Variants in STK40 observed in about 807,000 individuals in gnomAD.
STK40 encodes the protein serine/threonine kinase 40.
STK40 carries 13 observed loss-of-function variants against 47.9 expected under a neutral mutation model. The ratio of observed to expected loss-of-function variants is 0.27; its 90% CI spans 0.18 to 0.43. The LOEUF is 0.43. Among genes scored for constraint, STK40 ranks in the 20% least tolerant of loss-of-function variants. The pLI is 1.00. For missense variants in STK40, 460 were observed against 595.1 expected, an observed-to-expected ratio of 0.77 and a Z score of 2.36; for synonymous variants, 225 against 243.2, an observed-to-expected ratio of 0.93 and a Z score of 0.69.
chr1:36,381,520 G>A (rs1647039236), intron 1 of STK40, among the ~76,000 whole-genome samples: 2 of 152,042 alleles, frequency 1.3e-5, no homozygotes, highest in Admixed American at 1.3e-4. Flanking sequence ...TCACTCTGTT[G>A]TCCAGGCTCG....
intron 1 of STK40, among the ~76,000 whole-genome samples, chr1:36,373,863 T>G (rs1403968633): frequency 6.6e-6 from 1 of 152,254 alleles, no homozygotes; most frequent in East Asian, 1.9e-4. Flanking sequence ...ACTGGCTGCT[T>G]CTAACCAGAG....
At chr1:36,355,708 G>T (rs1277079879) in intron 4 of STK40, among the ~76,000 whole-genome samples, 1 of 152,236 alleles carries the variant, frequency 6.6e-6, no homozygotes, top group Non-Finnish European at 1.5e-5. Flanking sequence ...ATAATGCAAA[G>T]GATTCAGATC....
intron 7 of STK40, 55 bp downstream of exon 7, chr1:36,348,645 C>T (rs1286451027): frequency 1.3e-6 from 2 of 1,527,988 alleles, no homozygotes; most frequent in Non-Finnish European, 1.8e-6. Flanking sequence ...AGTGGACTGT[C>T]ACAGAGCCTG....
chr1:36,351,500 C>G (rs1359923661), intron 6 of STK40, among the ~76,000 whole-genome samples: 1 of 152,126 alleles, frequency 6.6e-6, no homozygotes, highest in Non-Finnish European at 1.5e-5. Context: ...TCTCTCTGCA[C>G]CACACTACCC....
intron 5 of STK40, 39 bp downstream of exon 5, chr1:36,355,163 GCTTT>G: frequency 2.9e-5 from 46 of 1,592,570 alleles, no homozygotes; most frequent in Non-Finnish European, 4.0e-5. Context: ...AAGAAAGGTG[GCTTT>G]CTGTGGCCAG....
At chr1:36,373,295 G>T (rs981971253) in intron 1 of STK40, among the ~76,000 whole-genome samples, 1 of 152,180 alleles carries the variant, frequency 6.6e-6, no homozygotes, top group Non-Finnish European at 1.5e-5. Flanking sequence ...AGTCTCTGCA[G>T]GTATGTCTTT....
At chr1:36,344,657 C>T (rs1260848133) in intron 7 of STK40, among the ~76,000 whole-genome samples, 2 of 152,230 alleles carry the variant, frequency 1.3e-5, no homozygotes, top group East Asian at 1.9e-4. Context: ...CACCTGCCTC[C>T]TTCACAGCCC....
chr1:36,372,678 G>A (rs1646960018), intron 1 of STK40: 1 of 152,214 alleles, frequency 6.6e-6, no homozygotes, highest in African/African-American at 2.4e-5. Flanking sequence ...TGGAACCAGG[G>A]TGCTGTCAAG....
At chr1:36,379,383 G>A (rs1300289409) in intron 1 of STK40, among the ~76,000 whole-genome samples, 2 of 149,090 alleles carry the variant, frequency 1.3e-5, no homozygotes, top group South Asian at 2.1e-4. Flanking sequence ...AATGAACACC[G>A]TTGGGTTGTA....
intron 1 of STK40, among the ~76,000 whole-genome samples, chr1:36,368,992 T>A (rs1000289634): frequency 6.6e-6 from 1 of 152,120 alleles, no homozygotes; most frequent in Admixed American, 6.6e-5. Context: ...CTCGAATAGC[T>A]CCCAAGACCT....
intron 6 of STK40, among the ~76,000 whole-genome samples, chr1:36,353,656 G>A (rs903309136): frequency 3.9e-5 from 6 of 152,164 alleles, no homozygotes. Flanking sequence ...CCTCCCTAAG[G>A]ACAGCAGACA....
At chr1:36,362,787 ATAAAG>A (rs1646864084) in intron 1 of STK40, 1 of 152,222 alleles carries the variant, frequency 6.6e-6, no homozygotes, top group African/African-American at 2.4e-5. Flanking sequence ...GTATGCTTAT[ATAAAG>A]TTTTATTATT....
At chr1:36,360,253 T>C (rs1173589289) in intron 2 of STK40, among the ~76,000 whole-genome samples, 1 of 152,206 alleles carries the variant, frequency 6.6e-6, no homozygotes. Context: ...CCTGAGCCTG[T>C]AAGTCCAAAA....
At chr1:36,371,274 G>T (rs1303876778) in intron 1 of STK40, among the ~76,000 whole-genome samples, 4 of 151,294 alleles carry the variant, frequency 2.6e-5, no homozygotes, top group African/African-American at 7.3e-5. Flanking sequence ...GACAAGAAGG[G>T]CCGGGCGTGG....
intron 6 of STK40, among the ~76,000 whole-genome samples, chr1:36,350,038 T>A (rs567102037): frequency 1.3e-5 from 2 of 152,234 alleles, no homozygotes; most frequent in Admixed American, 6.5e-5. Context: ...CAGGCGGCTC[T>A]GAGAGCCCTC....
At chr1:36,370,516 T>C (rs1646936076) in intron 1 of STK40, among the ~76,000 whole-genome samples, 1 of 152,194 alleles carries the variant, frequency 6.6e-6, no homozygotes, top group Non-Finnish European at 1.5e-5. Context: ...GACAACACTC[T>C]AGGTGAGTGA....
chr1:36,368,742 T>G (rs1021186296), intron 1 of STK40, among the ~76,000 whole-genome samples: 2 of 152,110 alleles, frequency 1.3e-5, no homozygotes, highest in Admixed American at 1.3e-4. Context: ...CAATGGGTGA[T>G]CTGGGAGAAA....
At chr1:36,366,254 AC>A (rs1646901024) in intron 1 of STK40, among the ~76,000 whole-genome samples, 1 of 151,856 alleles carries the variant, frequency 6.6e-6, no homozygotes, top group Admixed American at 6.6e-5. Context: ...GCTCAGCCTG[AC>A]CCGCCCCTCC....
chr1:36,374,909 C>G (rs191957022), intron 1 of STK40, among the ~76,000 whole-genome samples: 1 of 152,324 alleles, frequency 6.6e-6, no homozygotes, highest in Non-Finnish European at 1.5e-5. Context: ...CTCCAACCAT[C>G]AGTTGTTGCT....
Sources: gnomAD v4.1 joint callset for allele counts (sites outside exome capture counted in the v4.1 genomes callset) on GRCh38, gnomAD v4.1.1 for gene constraint, MANE v1.5 for transcripts, NCBI Gene and HGNC (gene_info 2026-07-23, HGNC 2026-07-21) for gene names.